The following PLA2G15 variants were observed in gnomAD, a reference collection of about 807,000 sequenced individuals.
PLA2G15 encodes the protein lysosomal phospholipase A and acyltransferase.
In PLA2G15, 20 loss-of-function variants were observed where a neutral mutation model predicts 40.9. That is an observed-to-expected ratio of 0.49 (90% CI 0.34 to 0.71). The LOEUF (loss-of-function observed/expected upper bound fraction) is 0.71. Ranked by LOEUF, PLA2G15 falls within the 30% of genes least tolerant of loss-of-function variation. The probability of loss-of-function intolerance (pLI) is 0.01; values close to 1 mark genes in which losing one functional copy is unlikely to be tolerated. For missense variants in PLA2G15, 471 were observed against 541.9 expected, an observed-to-expected ratio of 0.87 and a Z score of 1.30; for synonymous variants, 223 against 228.2, an observed-to-expected ratio of 0.98 and a Z score of 0.21.
Position 68,259,065 on chromosome 16 carries a change from TG to T in PLA2G15, c.728-79del. The T allele has an allele frequency of 8.0e-7, 1 of 1,249,608 alleles. No homozygotes were observed. Among genetic ancestry groups the T allele is most frequent in the Non-Finnish European group, 1.1e-6 (1 of 891,682 alleles). The allele number at this position is 1,249,608 out of a possible 1,614,324, so 77.4% of individuals were successfully genotyped here. A position where few individuals can be genotyped will look rare whatever the true frequency, so the allele number is the denominator to read the frequency against. ...GTGGACTGGGCCCCTGGCTGGGGTC[TG>T]GCAGGGGCCTGGTGGTGAACATGCT... On this transcript the variant is annotated intron_variant, in intron 5 of 5. Transcript: ENST00000219345. This position sits in a 1 kb window ranked among gnomAD's most constrained non-coding sequence, Gnocchi z 6.5.
rs777021779 is a variant in PLA2G15, at chr16:68,259,513, G to C, written c.1095G>C (p.Leu365Phe). ...GTGACGGCGATGGTACTGTGAACTT[G>C]AAGAGTGCCCTGCAGTGCCAGGCCT... ...CFGDGDGTVNLKSALQCQAWQ... is the reference protein window; with the variant it reads ...CFGDGDGTVNFKSALQCQAWQ... Residue 365 changes from leucine (L) to phenylalanine (F), a missense_variant, in exon 6 of 6, where the codon TTG (leucine) becomes TTC (phenylalanine). Transcript: ENST00000219345. The surrounding 1 kb of genome is among the most constrained non-coding windows in gnomAD (Gnocchi z 6.5). The C allele has an allele frequency of 6.2e-7, 1 of 1,613,252 alleles. No individual in the cohort carries two copies. The highest frequency in any genetic ancestry group is 1.1e-5 in the South Asian group (1 of 91,086).
At position 68,259,429 on chromosome 16, in the gene PLA2G15, C is replaced by T. The variant is rs75363601; in HGVS notation, c.1011C>T (p.Pro337=). ...ACTGCCTCTATGGTACTGGCGTCCC[C>T]ACACCAGACTCCTTCTACTATGAGA... ...QLHCLYGTGV[P]TPDSFYYESF... The change falls in exon 6 of 6, where the codon CCC becomes CCT. Residue 337 remains proline, a synonymous_variant. Transcript: ENST00000219345. The surrounding 1 kb of genome is among the most constrained non-coding windows in gnomAD (Gnocchi z 6.5). 6.2e-7 allele frequency: 1 copy of T among 1,613,882 alleles called. No individual in the cohort carries two copies. The highest frequency in any genetic ancestry group is 8.5e-7 in the Non-Finnish European group (1 of 1,179,942).
chr16:68,245,375 G>C lies in PLA2G15; in HGVS notation c.-52G>C. Reference sequence around the variant, plus strand: ...GTCGCCACCGCCCCCGCCTAGGCGAGAGCCCAGAGAGCTGAACCTGCATCC... The same window carrying C: ...GTCGCCACCGCCCCCGCCTAGGCGACAGCCCAGAGAGCTGAACCTGCATCC... On this transcript the variant is annotated 5_prime_UTR_variant, in exon 1 of 6. Coordinates refer to ENST00000219345, the MANE Select transcript of PLA2G15 (RefSeq NM_012320.4). 2 of 1,583,212 alleles carry C rather than the reference G, an allele frequency of 1.3e-6. No homozygotes were observed. Among genetic ancestry groups the C allele is most frequent in the Non-Finnish European group, 1.7e-6 (2 of 1,168,848 alleles).
rs1347240772 is a variant in PLA2G15, at chr16:68,259,382, A to T, written c.964A>T (p.Met322Leu). The change falls in exon 6 of 6, where the codon ATG (methionine) becomes TTG (leucine). Residue 322 changes from methionine (M) to leucine (L), a missense_variant. Met to Leu is a conservative substitution (Grantham distance 15). Coordinates refer to ENST00000219345, the MANE Select transcript of PLA2G15 (RefSeq NM_012320.4). The surrounding 1 kb of genome is among the most constrained non-coding windows in gnomAD (Gnocchi z 6.5). ...QDTEGLVEATMPPGVQLHCLY... is the reference protein window; with the variant it reads ...QDTEGLVEATLPPGVQLHCLY... Reference sequence around the variant, plus strand: ...CACAGAAGGGCTGGTGGAAGCCACGATGCCACCTGGCGTGCAGCTGCACTG... The same window carrying T: ...CACAGAAGGGCTGGTGGAAGCCACGTTGCCACCTGGCGTGCAGCTGCACTG... 1 of 1,614,008 alleles carries T rather than the reference A, an allele frequency of 6.2e-7. No homozygotes were observed. The highest frequency in any genetic ancestry group is 2.2e-5 in the East Asian group (1 of 44,882).
intron 2 of PLA2G15, chr16:68,250,326 A>T (rs2042345002): frequency 9.1e-6 from 3 of 330,972 alleles, no homozygotes; most frequent in Non-Finnish European, 1.7e-5. Flanking sequence ...GGCTGGGTGC[A>T]GTGGCGCTAT....
chr16:68,253,354 C>T, intron 2 of PLA2G15: 1 of 407,992 alleles, frequency 2.5e-6, no homozygotes, highest in Admixed American at 2.6e-5. Flanking sequence ...AGGCATGGTG[C>T]CTTTCTAGGG....
At chr16:68,246,941 G>A (rs1034964217) in intron 1 of PLA2G15, among the ~76,000 whole-genome samples, 1 of 152,136 alleles carries the variant, frequency 6.6e-6, no homozygotes, top group Non-Finnish European at 1.5e-5. Flanking sequence ...CTAAGTCTGA[G>A]GGGCGTGGCA....
rs374783487 is a variant in PLA2G15, at chr16:68,255,236, C to T, written c.404-46C>T. On this transcript the variant is annotated intron_variant, in intron 3 of 5. Transcript: ENST00000219345. This position sits in a 1 kb window ranked among gnomAD's most constrained non-coding sequence, Gnocchi z 5.9. ...CCATGCTGGGCATAGTGTAGGTGGCCGGCACTAGCTGTATCTTTTCTTATC... is the reference window on the plus strand; with the variant it reads ...CCATGCTGGGCATAGTGTAGGTGGCTGGCACTAGCTGTATCTTTTCTTATC... The T allele has an allele frequency of 1.8e-5, 25 of 1,408,368 alleles. No homozygotes were observed. In the African/African-American group the frequency reaches 2.1e-4, roughly 12 times the overall value. The allele number at this position is 1,408,368 out of a possible 1,614,324, so 87.2% of individuals were successfully genotyped here. A position where few individuals can be genotyped will look rare whatever the true frequency, so the allele number is the denominator to read the frequency against.
Position 68,246,496 on chromosome 16 carries a change from C to T in PLA2G15, c.127+943C>T, listed in dbSNP as rs74535915. Reference sequence around the variant, plus strand: ...CTGCTGAGAGTACTTTAAATGGGGACGATGCAAATCACAGAAGGGTAGAGT... The same window carrying T: ...CTGCTGAGAGTACTTTAAATGGGGATGATGCAAATCACAGAAGGGTAGAGT... On this transcript the variant is annotated intron_variant, in intron 1 of 5. Transcript: ENST00000219345. Among the ~76,000 whole-genome samples the T allele has an allele frequency of 5.1e-3, 781 of 152,270 alleles. 5 individuals are homozygous for T. Among genetic ancestry groups the T allele is most frequent in the African/African-American group, 0.018 (744 of 41,546 alleles).
At position 68,259,585 on chromosome 16, in the gene PLA2G15, C is replaced by T; in HGVS notation, c.1167C>T (p.Gly389=). 3 of 1,613,380 alleles carry T rather than the reference C, an allele frequency of 1.9e-6. No homozygotes were observed. The highest frequency in any genetic ancestry group is 2.5e-6 in the Non-Finnish European group (3 of 1,180,022). ...EHQVLLQELP[G]SEHIEMLANA... is the part of the protein sequence containing the mutation. ...AAGTGTTGCTGCAGGAGCTGCCAGG[C>T]AGCGAGCACATCGAGATGCTGGCCA... is the stretch of plus-strand genomic sequence containing the variant. Residue 389 remains glycine (G), a synonymous_variant, in exon 6 of 6, where the codon GGC becomes GGT. Transcript: ENST00000219345. This position sits in a 1 kb window ranked among gnomAD's most constrained non-coding sequence, Gnocchi z 6.5.
chr16:68,250,151 G>GC, intron 2 of PLA2G15, among the ~76,000 whole-genome samples: 1 of 142,364 alleles, frequency 7.0e-6, no homozygotes, highest in Non-Finnish European at 1.5e-5. Context: ...TACACCCTTT[G>GC]CCTGATAAAT....
intron 1 of PLA2G15, chr16:68,248,688 C>T (rs778058032): frequency 2.5e-5 from 25 of 996,110 alleles, no homozygotes; most frequent in Admixed American, 1.2e-4. Context: ...CGCCCTGCCT[C>T]GAAGGTATAT....
At chr16:68,257,284 C>T (rs1393710511) in intron 5 of PLA2G15, among the ~76,000 whole-genome samples, 1 of 152,168 alleles carries the variant, frequency 6.6e-6, no homozygotes, top group African/African-American at 2.4e-5. Flanking sequence ...CTTGACCTCC[C>T]AAAGTTCTGG....
At chr16:68,246,226 G>A (rs2042307383) in intron 1 of PLA2G15, among the ~76,000 whole-genome samples, 1 of 150,366 alleles carries the variant, frequency 6.7e-6, no homozygotes, top group African/African-American at 2.5e-5. Flanking sequence ...GTGGAGGCTC[G>A]GTGACCTCCC....
Position 68,259,638 on chromosome 16 carries a change from G to C in PLA2G15, c.1220G>C (p.Arg407Pro), listed in dbSNP as rs144500022. The C allele has an allele frequency of 6.2e-7, 1 of 1,612,144 alleles. No individual in the cohort carries two copies. The highest frequency in any genetic ancestry group is 1.3e-5 in the African/African-American group (1 of 74,920). ...ANATTLAYLK[R>P]VLLGP Reference sequence around the variant, plus strand: ...GCCACCACCCTGGCCTATCTGAAACGTGTGCTCCTTGGGCCCTGACTCCTG... The same window carrying C: ...GCCACCACCCTGGCCTATCTGAAACCTGTGCTCCTTGGGCCCTGACTCCTG... Residue 407 changes from arginine (R) to proline (P), a missense_variant, in exon 6 of 6, where the codon CGT becomes CCT. Physicochemically the swap from Arg to Pro is moderately radical, Grantham distance 103. Transcript: ENST00000219345. The surrounding 1 kb of genome is among the most constrained non-coding windows in gnomAD (Gnocchi z 6.5).
chr16:68,248,737 T>A, intron 1 of PLA2G15: 2 of 992,458 alleles, frequency 2.0e-6, no homozygotes, highest in Non-Finnish European at 2.4e-6. Context: ...TTGGAGGTTC[T>A]GGAATGCAAA....
intron 5 of PLA2G15, among the ~76,000 whole-genome samples, chr16:68,257,741 T>C (rs1333839383): frequency 6.6e-6 from 1 of 152,164 alleles, no homozygotes; most frequent in Non-Finnish European, 1.5e-5. Flanking sequence ...TGAGGACTCA[T>C]TATAGCCACC....
chr16:68,258,996 T>A, intron 5 of PLA2G15, 150 bp from the exon 6 acceptor site: 1 of 642,874 alleles, frequency 1.6e-6, no homozygotes, highest in Non-Finnish European at 2.7e-6. Context: ...GGGATGGGAG[T>A]CACAGTGATT....
chr16:68,259,813 A>G lies in PLA2G15; in HGVS notation c.*156A>G. ...CTGCCATGGGGAAGTGCTGTTTGTT[A>G]TCCTTTCTCTGTGGCAGTGAAGAAG... On this transcript the variant is annotated 3_prime_UTR_variant, in exon 6 of 6. Transcript: ENST00000219345. This position sits in a 1 kb window ranked among gnomAD's most constrained non-coding sequence, Gnocchi z 6.5. The G allele has an allele frequency of 1.5e-6, 1 of 661,528 alleles. No individual in the cohort carries two copies. The allele number at this position is 661,528 out of a possible 1,614,324, so 41.0% of individuals were successfully genotyped here. A position where few individuals can be genotyped will look rare whatever the true frequency, so the allele number is the denominator to read the frequency against.
Sources: gnomAD v4.1 joint callset for allele counts (sites outside exome capture counted in the v4.1 genomes callset) on GRCh38, gnomAD v4.1.1 for gene constraint, Gnocchi (gnomAD v3.1) non-coding constraint, MANE v1.5 for transcripts, NCBI Gene and HGNC (gene_info 2026-07-23, HGNC 2026-07-21) for gene names.